The following SUGT1 variants were observed in gnomAD, a reference collection of about 807,000 sequenced individuals.
SUGT1 encodes the protein protein SGT1 homolog.
A neutral mutation model predicts 56.1 loss-of-function variants in SUGT1; 15 were observed. That is an observed-to-expected ratio of 0.27 (90% CI 0.18 to 0.41). The LOEUF (loss-of-function observed/expected upper bound fraction) is 0.41, where lower values mean the gene tolerates loss of function less well. Ranked by LOEUF, SUGT1 falls within the 10% of genes least tolerant of loss-of-function variation. The pLI, the probability that SUGT1 is intolerant of heterozygous loss-of-function variation, is 1.00. For synonymous variants in SUGT1, 123 were observed against 128.6 expected (o/e 0.96, Z 0.30); for missense variants, 347 against 382.2 (o/e 0.91, Z 0.77).
At chr13:52,668,344 T>G (rs1962800859) in intron 10 of SUGT1, among the ~76,000 whole-genome samples, 1 of 152,126 alleles carries the variant, frequency 6.6e-6, no homozygotes, top group South Asian at 2.1e-4. Context: ...AGGTTGAAGC[T>G]CTAAGGACAT....
At chr13:52,656,380 A>T (rs1962170289) in intron 2 of SUGT1, among the ~76,000 whole-genome samples, 1 of 152,166 alleles carries the variant, frequency 6.6e-6, no homozygotes, top group Admixed American at 6.5e-5. Context: ...TGTGGCTAAC[A>T]TCCTTTTCTA....
chr13:52,667,336 C>T (rs536171352), intron 10 of SUGT1, among the ~76,000 whole-genome samples: 1 of 152,168 alleles, frequency 6.6e-6, no homozygotes, highest in East Asian at 1.9e-4. Flanking sequence ...GATGAATCTG[C>T]CTTTTGTTTT....
At chr13:52,657,670 T>C (rs375176272) in intron 3 of SUGT1, 48 bp downstream of exon 3, 365 of 1,525,026 alleles carry the variant, frequency 2.4e-4, no homozygotes, top group Non-Finnish European at 3.0e-4. Context: ...AAGTTACTTA[T>C]ACATTTTACC....
intron 5 of SUGT1, among the ~76,000 whole-genome samples, chr13:52,659,810 ATATATTTTTTTTTTTTTTTTT>A (rs1233750854): frequency 1.4e-4 from 3 of 21,578 alleles, no homozygotes; most frequent in African/African-American, 5.5e-4. Context: ...ATATATATAT[ATATATTTTTTTTTTTTTTTTT>A]TTTTTTTTTT....
chr13:52,669,646 A>G (rs1962851135), intron 10 of SUGT1, among the ~76,000 whole-genome samples: 1 of 152,166 alleles, frequency 6.6e-6, no homozygotes, highest in Non-Finnish European at 1.5e-5. Flanking sequence ...GATTCTAAGG[A>G]TGTGTCCTAA....
chr13:52,672,995 G>A (rs1461915224), intron 10 of SUGT1, among the ~76,000 whole-genome samples: 1 of 152,124 alleles, frequency 6.6e-6, no homozygotes, highest in Non-Finnish European at 1.5e-5. Flanking sequence ...CTGTACATAT[G>A]AGAGCAACAT....
chr13:52,676,835 A>C (rs1270766303), intron 11 of SUGT1, among the ~76,000 whole-genome samples: 2 of 152,194 alleles, frequency 1.3e-5, no homozygotes, highest in African/African-American at 4.8e-5. Context: ...AGGAAAGTCT[A>C]GGAGAAGAGT....
intron 12 of SUGT1, among the ~76,000 whole-genome samples, chr13:52,685,550 A>C (rs1416113132): frequency 6.6e-6 from 1 of 152,200 alleles, no homozygotes; most frequent in East Asian, 1.9e-4. Flanking sequence ...AATTAGCAGT[A>C]TGTCAGATCA....
intron 12 of SUGT1, among the ~76,000 whole-genome samples, chr13:52,683,590 A>G (rs1566197681): frequency 1.3e-5 from 2 of 152,186 alleles, no homozygotes; most frequent in Non-Finnish European, 2.9e-5. Flanking sequence ...CATCAGAGTA[A>G]TACTTCATAA....
chr13:52,681,556 A>T (rs1319580249), intron 12 of SUGT1, among the ~76,000 whole-genome samples: 1 of 152,104 alleles, frequency 6.6e-6, no homozygotes, highest in African/African-American at 2.4e-5. Context: ...ATGCTACAAC[A>T]TCACAACCAT....
At chr13:52,676,405 T>C (rs1963145680) in intron 11 of SUGT1, 85 bp downstream of exon 11, 1 of 1,120,148 alleles carries the variant, frequency 8.9e-7, no homozygotes, top group South Asian at 1.8e-5. Flanking sequence ...CTTTTTACTT[T>C]CATTATTTAT....
At chr13:52,653,254 C>G in intron 2 of SUGT1, 151 bp downstream of exon 2, 1 of 972,596 alleles carries the variant, frequency 1.0e-6, no homozygotes, top group South Asian at 1.6e-5. Context: ...GATTCTCCGT[C>G]TCTTTTCTCT....
At chr13:52,686,011 T>C (rs1963574952) in intron 12 of SUGT1, among the ~76,000 whole-genome samples, 1 of 152,202 alleles carries the variant, frequency 6.6e-6, no homozygotes, top group African/African-American at 2.4e-5. Context: ...CATTGCAACC[T>C]CTGCCTGCCA....
intron 3 of SUGT1, chr13:52,657,951 G>A (rs1962245971): frequency 4.4e-6 from 2 of 450,466 alleles, no homozygotes; most frequent in Non-Finnish European, 6.8e-6. Context: ...GCCAGGCATG[G>A]TGGCTCACGC....
rs938318446 is a variant in SUGT1 at position 52,695,528 on chromosome 13, C to G, written c.*7693C>G. 3.9e-5 allele frequency: 6 copies of G among 152,178 alleles called. No homozygotes were observed. Among genetic ancestry groups the G allele is most frequent in the African/African-American group, 1.4e-4 (6 of 41,442 alleles). The allele number at this position is 152,178 out of a possible 1,614,324, so 9.4% of individuals were successfully genotyped here. ...CTAAGTCCTGACTCAAATTATGTTA[C>G]CAATAAATGCTACTTAAATGTAAAG... On this transcript the variant is annotated 3_prime_UTR_variant, in exon 13 of 13. Transcript: ENST00000310528.
rs1351620152 is a variant in SUGT1, at chr13:52,653,155, C to T, written c.96+52C>T. The T allele has an allele frequency of 4.4e-6, 7 of 1,609,188 alleles. No individual in the cohort carries two copies. In the African/African-American group the frequency reaches 5.4e-5, roughly 12 times the overall value. On this transcript the variant is annotated intron_variant, in intron 2 of 12. Transcript: ENST00000310528. ...CACTCTTCTTAGGGGAGCTGGGCCA[C>T]TTCGGGTCCCCGCTGACCCGCCTTC...
rs71088033 is a variant in SUGT1 at position 52,659,814 on chromosome 13, A to AT, written c.328+597dup. On this transcript the variant is annotated intron_variant, in intron 5 of 12. Coordinates refer to ENST00000310528, the MANE Select transcript of SUGT1 (RefSeq NM_006704.5). ...AATATATATATATATATATATATAT[A>AT]TTTTTTTTTTTTTTTTTTTTTTTTT... Among the ~76,000 whole-genome samples the AT allele has an allele frequency of 1.5e-3, 90 of 58,748 alleles. 3 individuals carry two copies. Among genetic ancestry groups the AT allele is most frequent in the Non-Finnish European group, 2.2e-3 (76 of 34,812 alleles). The allele number at this position is 58,748 out of a possible 152,430, so 38.5% of individuals were successfully genotyped here. A position where few individuals can be genotyped will look rare whatever the true frequency, so the allele number is the denominator to read the frequency against.
At position 52,699,186 on chromosome 13, in the gene SUGT1, T is replaced by C. The variant is rs1171553730; in HGVS notation, c.*11351T>C. The C allele has an allele frequency of 6.6e-6, 1 of 152,214 alleles. No homozygotes were observed. Among genetic ancestry groups the C allele is most frequent in the Non-Finnish European group, 1.5e-5 (1 of 68,040 alleles). 9.4% of individuals were successfully genotyped at this position (152,214 alleles called of 1,614,324 possible). Reference sequence around the variant, plus strand: ...GAGGAGAGATGCTGAATGATGCTTTTTTTCTTCTTAATCTTGGGGGGTCAT... The same window carrying C: ...GAGGAGAGATGCTGAATGATGCTTTCTTTCTTCTTAATCTTGGGGGGTCAT... On this transcript the variant is annotated 3_prime_UTR_variant, in exon 13 of 13. Transcript: ENST00000310528.
At chr13:52,662,820 C>T in intron 6 of SUGT1, 118 bp downstream of exon 6, 1 of 1,057,012 alleles carries the variant, frequency 9.5e-7, no homozygotes. Flanking sequence ...GTATACGTTT[C>T]CTTAGATGTG....
Sources: allele counts gnomAD v4.1 joint callset (sites outside exome capture counted in the v4.1 genomes callset), GRCh38; gene constraint gnomAD v4.1.1; transcripts MANE v1.5; gene names NCBI Gene and HGNC (gene_info 2026-07-23, HGNC 2026-07-21).